Variants in ARHGAP5 observed in about 807,000 individuals in gnomAD.
ARHGAP5 encodes the protein rho GTPase-activating protein 5.
Under a neutral mutation model 116.6 loss-of-function variants are expected in ARHGAP5, and 23 were observed. That is an observed-to-expected ratio of 0.20 (90% CI 0.14 to 0.28). The LOEUF (loss-of-function observed/expected upper bound fraction) is 0.28. ARHGAP5 is among the 10% of genes least tolerant of loss of function. The pLI is 1.00. For synonymous variants in ARHGAP5, 574 were observed against 602.0 expected, an observed-to-expected ratio of 0.95 and a Z score of 0.68; for missense variants, 1,405 against 1,774.8, an observed-to-expected ratio of 0.79 and a Z score of 3.74.
chr14:32,120,063 AG>A (rs1879805705), intron 3 of ARHGAP5, among the ~76,000 whole-genome samples: 1 of 152,122 alleles, frequency 6.6e-6, no homozygotes, highest in African/African-American at 2.4e-5. Flanking sequence ...AGAATTCATC[AG>A]TGAAGTGATT....
chr14:32,143,202 AGTTGTT>A (rs140378018), intron 3 of ARHGAP5, among the ~76,000 whole-genome samples: 2,604 of 145,430 alleles, frequency 0.018, 32 homozygotes, highest in Non-Finnish European at 0.025. Context: ...ACATTATTTT[AGTTGTT>A]GTTGTTGTTG....
At chr14:32,094,902 T>G (rs1469475322) in intron 2 of ARHGAP5, among the ~76,000 whole-genome samples, 1 of 152,198 alleles carries the variant, frequency 6.6e-6, no homozygotes, top group Non-Finnish European at 1.5e-5. Context: ...TCTAAACAAA[T>G]AGCAAGCATT....
chr14:32,090,158 C>A (rs931511341), intron 1 of ARHGAP5, among the ~76,000 whole-genome samples: 4 of 151,936 alleles, frequency 2.6e-5, no homozygotes, highest in African/African-American at 9.7e-5. Flanking sequence ...GCATCGCCTC[C>A]AGTGACAGAA....
chr14:32,142,711 C>T (rs1189754797), intron 3 of ARHGAP5, among the ~76,000 whole-genome samples: 2 of 152,168 alleles, frequency 1.3e-5, no homozygotes, highest in African/African-American at 2.4e-5. Flanking sequence ...ACAGTGCAGG[C>T]TACTGTCCTC....
At chr14:32,099,548 C>T (rs1878696286) in intron 2 of ARHGAP5, among the ~76,000 whole-genome samples, 1 of 152,100 alleles carries the variant, frequency 6.6e-6, no homozygotes, top group African/African-American at 2.4e-5. Context: ...TAATACTTCC[C>T]TTGGAGTTGT....
In ARHGAP5 at chr14:32,094,332, G is replaced by A; in HGVS notation, c.3663G>A (p.Glu1221=). ...ATCCTGCAATCACTTCTGACCAGGA[G>A]TTAGATGATAAGAAGATGAAGAAGA... ...IDNPAITSDQ[E]LDDKKMKKKT... is the part of the protein sequence containing the mutation. The change falls in exon 2 of 7, where the codon GAG becomes GAA. Residue 1221 remains glutamate (E), a synonymous_variant. Transcript: ENST00000345122. 6.3e-7 allele frequency: 1 copy of A among 1,594,780 alleles called. No homozygotes were observed. Among genetic ancestry groups the A allele is most frequent in the Non-Finnish European group, 8.5e-7 (1 of 1,175,334 alleles).
At chr14:32,121,380 G>A (rs547777825) in intron 3 of ARHGAP5, among the ~76,000 whole-genome samples, 122 of 151,886 alleles carry the variant, frequency 8.0e-4, no homozygotes, top group African/African-American at 2.5e-3. Context: ...TTCTAATGTG[G>A]TATACATCTT....
At chr14:32,146,652 T>G (rs1276817150) in intron 4 of ARHGAP5, among the ~76,000 whole-genome samples, 1 of 152,128 alleles carries the variant, frequency 6.6e-6, no homozygotes, top group East Asian at 1.9e-4. Context: ...TAAAATACAA[T>G]TGCAATAGAA....
chr14:32,114,574 C>G (rs931066583), intron 2 of ARHGAP5, among the ~76,000 whole-genome samples: 6 of 152,156 alleles, frequency 3.9e-5, no homozygotes, highest in Non-Finnish European at 7.3e-5. Context: ...CTCCAATGCC[C>G]CCTTGATAAC....
rs191254361 is a variant in ARHGAP5 at position 32,157,157 on chromosome 14, G to A, written c.*2209G>A. ...ATAGTGAGTCATTTAAATACTCTAC[G>A]TTTGGTTCAATTAACCAGTAGGTTA... On this transcript the variant is annotated 3_prime_UTR_variant, in exon 7 of 7. Transcript: ENST00000345122. 5 of 152,186 alleles carry A rather than the reference G, an allele frequency of 3.3e-5. No individual in the cohort carries two copies. The highest frequency in any genetic ancestry group is 1.9e-4 in the East Asian group (1 of 5,184). The allele number at this position is 152,186 out of a possible 1,614,324, so 9.4% of individuals were successfully genotyped here.
At chr14:32,099,000 A>G (rs1051976347) in intron 2 of ARHGAP5, among the ~76,000 whole-genome samples, 2 of 152,206 alleles carry the variant, frequency 1.3e-5, no homozygotes, top group Non-Finnish European at 2.9e-5. Context: ...ACAGTAATCT[A>G]AGCGAATCAT....
intron 3 of ARHGAP5, among the ~76,000 whole-genome samples, chr14:32,129,992 A>G (rs114337811): frequency 0.013 from 1,971 of 152,030 alleles, 34 homozygotes; most frequent in African/African-American, 0.044. Context: ...GATCCCGGGA[A>G]TTTGAGGTTG....
intron 3 of ARHGAP5, among the ~76,000 whole-genome samples, chr14:32,138,687 ATTAT>A (rs1880939111): frequency 6.6e-6 from 1 of 152,108 alleles, no homozygotes; most frequent in South Asian, 2.1e-4. Flanking sequence ...CATCTTGGAT[ATTAT>A]TTATTTATTT....
At chr14:32,127,735 C>T (rs1880246229) in intron 3 of ARHGAP5, among the ~76,000 whole-genome samples, 1 of 152,128 alleles carries the variant, frequency 6.6e-6, no homozygotes, top group African/African-American at 2.4e-5. Context: ...CTCCTCACTT[C>T]CCAGACGTGG....
At chr14:32,129,568 G>A (rs1413530760) in intron 3 of ARHGAP5, among the ~76,000 whole-genome samples, 1 of 151,994 alleles carries the variant, frequency 6.6e-6, no homozygotes, top group Non-Finnish European at 1.5e-5. Context: ...GAATCTTTGT[G>A]TTATTGCTAA....
At chr14:32,089,482 A>G (rs2041863087) in intron 1 of ARHGAP5, among the ~76,000 whole-genome samples, 1 of 151,940 alleles carries the variant, frequency 6.6e-6, no homozygotes, top group African/African-American at 2.4e-5. Flanking sequence ...AGAATGTGAA[A>G]AATCTCTAAA....
chr14:32,117,809 A>G (rs1879680448), intron 3 of ARHGAP5, among the ~76,000 whole-genome samples: 1 of 152,204 alleles, frequency 6.6e-6, no homozygotes, highest in African/African-American at 2.4e-5. Context: ...ATGCATAGAT[A>G]TCCTCATTAT....
chr14:32,077,514 G>T, intron 1 of ARHGAP5, 79 bp downstream of exon 1: 2 of 650,442 alleles, frequency 3.1e-6, no homozygotes, highest in Non-Finnish European at 5.6e-6. Flanking sequence ...TAGCTGCCCC[G>T]CTCGGTCGCC....
At chr14:32,148,194 C>CTATG (rs1267844866) in intron 4 of ARHGAP5, among the ~76,000 whole-genome samples, 8 of 151,752 alleles carry the variant, frequency 5.3e-5, no homozygotes, top group Non-Finnish European at 1.0e-4. Context: ...ATCTATCTAT[C>CTATG]TATCTATCTA....
Sources: gnomAD v4.1 joint callset for allele counts (sites outside exome capture counted in the v4.1 genomes callset) on GRCh38, gnomAD v4.1.1 for gene constraint, MANE v1.5 for transcripts, NCBI Gene and HGNC (gene_info 2026-07-23, HGNC 2026-07-21) for gene names.